Variants in PAM observed in about 807,000 individuals in gnomAD.
PAM encodes the protein peptidyl-glycine alpha-amidating monooxygenase.
A neutral mutation model predicts 122.1 loss-of-function variants in PAM; 72 were observed. The ratio of observed to expected loss-of-function variants is 0.59; its 90% CI spans 0.49 to 0.72. The LOEUF is 0.72. Among genes scored for constraint, PAM ranks in the 30% least tolerant of loss-of-function variants. PAM has a pLI of 0.00. For missense variants in PAM, 1,106 were observed against 1,183.7 expected, an observed-to-expected ratio of 0.93 and a Z score of 0.96; for synonymous variants, 389 against 404.4, an observed-to-expected ratio of 0.96 and a Z score of 0.46.
chr5:102,997,901 C>A (rs1335165437), intron 16 of PAM, among the ~76,000 whole-genome samples: 1 of 152,180 alleles, frequency 6.6e-6, no homozygotes, highest in Non-Finnish European at 1.5e-5. Flanking sequence ...TTTGACCTGA[C>A]TGGCACAAGG....
chr5:102,814,811 C>T (rs564471780), intron 1 of PAM, among the ~76,000 whole-genome samples: 1 of 151,964 alleles, frequency 6.6e-6, no homozygotes, highest in South Asian at 2.1e-4. Context: ...TTCCATTAAG[C>T]TTTGTATCTC....
intron 12 of PAM, among the ~76,000 whole-genome samples, chr5:102,953,045 T>C (rs1426480888): frequency 1.3e-5 from 2 of 152,166 alleles, no homozygotes; most frequent in Non-Finnish European, 2.9e-5. Context: ...TTCTGTTCTA[T>C]GGTTACATAG....
intron 16 of PAM, among the ~76,000 whole-genome samples, chr5:103,000,023 C>A (rs992200768): frequency 6.6e-6 from 1 of 152,184 alleles, no homozygotes; most frequent in African/African-American, 2.4e-5. Flanking sequence ...TTTTTCTTTT[C>A]TATCACATCA....
At chr5:102,987,696 T>G (rs1035581420) in intron 15 of PAM, 1 of 345,902 alleles carries the variant, frequency 2.9e-6, no homozygotes, top group African/African-American at 2.2e-5. Flanking sequence ...TGGCTCCCAA[T>G]TGCCGGTAGC....
Position 102,766,926 on chromosome 5 carries a change from A to ATTTTTTTTTTTTTTTTTTTTTTTTTTTTT in PAM, c.-374+11581_-374+11609dup. On this transcript the variant is annotated intron_variant, in intron 1 of 25. Transcript: ENST00000438793. The stretch of plus-strand genomic sequence containing the variant: ...ATTTATTTTATTGCTTCAGTTGTGG[A>ATTTTTTTTTTTTTTTTTTTTTTTTTTTTT]TTTTTTTTTTTTTTTTTTTTTTTTT... Among the ~76,000 whole-genome samples, 23 of 25,856 alleles carry ATTTTTTTTTTTTTTTTTTTTTTTTTTTTT rather than the reference A, an allele frequency of 8.9e-4. 10 individuals are homozygous for ATTTTTTTTTTTTTTTTTTTTTTTTTTTTT. Among genetic ancestry groups the ATTTTTTTTTTTTTTTTTTTTTTTTTTTTT allele is most frequent in the South Asian group, 5.3e-3 (4 of 750 alleles). The allele number at this position is 25,856 out of a possible 152,430, so 17.0% of individuals were successfully genotyped here.
intron 1 of PAM, among the ~76,000 whole-genome samples, chr5:102,766,926 A>ATTTTTTTTT: frequency 0.012 from 298 of 25,850 alleles, 100 homozygotes; most frequent in Middle Eastern, 0.031. Context: ...TCAGTTGTGG[A>ATTTTTTTTT]TTTTTTTTTT....
At chr5:102,986,989 T>G (rs960300063) in intron 15 of PAM, among the ~76,000 whole-genome samples, 3 of 152,082 alleles carry the variant, frequency 2.0e-5, no homozygotes, top group Non-Finnish European at 4.4e-5. Flanking sequence ...TATGTCTTTA[T>G]CAGCAGTGTG....
At chr5:102,953,961 C>T (rs1361481264) in intron 12 of PAM, among the ~76,000 whole-genome samples, 2 of 151,936 alleles carry the variant, frequency 1.3e-5, no homozygotes, top group Non-Finnish European at 2.9e-5. Flanking sequence ...TGCAGTGAGC[C>T]AAGATCATGC....
chr5:102,813,588 A>G (rs150990402), intron 1 of PAM, among the ~76,000 whole-genome samples: 270 of 152,258 alleles, frequency 1.8e-3, no homozygotes, highest in African/African-American at 6.4e-3. Flanking sequence ...TTTTACTTCC[A>G]TCTTTAAATG....
intron 1 of PAM, among the ~76,000 whole-genome samples, chr5:102,757,125 G>A (rs406690): frequency 0.45 from 68,732 of 151,572 alleles, 15,787 homozygotes; most frequent in African/African-American, 0.52. Flanking sequence ...CAGAAGTTCC[G>A]TACCAGCCTG....
intron 5 of PAM, among the ~76,000 whole-genome samples, chr5:102,915,753 A>G (rs1802915202): frequency 6.6e-6 from 1 of 152,192 alleles, no homozygotes; most frequent in Admixed American, 6.6e-5. Context: ...ATGAGTGAGA[A>G]AATAACACAA....
At chr5:103,007,758 T>C (rs983035580) in intron 20 of PAM, 101 bp downstream of exon 20, 21 of 718,418 alleles carry the variant, frequency 2.9e-5, no homozygotes, top group Non-Finnish European at 4.4e-5. Flanking sequence ...TTCTTTGCTA[T>C]ATATTTCACA....
intron 3 of PAM, among the ~76,000 whole-genome samples, chr5:102,898,424 A>G (rs1324128695): frequency 6.6e-6 from 1 of 151,638 alleles, no homozygotes; most frequent in Non-Finnish European, 1.5e-5. Flanking sequence ...GGGTTGAATT[A>G]TAGAAGCATC....
intron 3 of PAM, among the ~76,000 whole-genome samples, chr5:102,881,097 AGACTG>A (rs1790828803): frequency 6.8e-6 from 1 of 147,914 alleles, no homozygotes; most frequent in South Asian, 2.1e-4. Context: ...ACTGTAGAAG[AGACTG>A]GAAAATTAAA....
intron 14 of PAM, among the ~76,000 whole-genome samples, chr5:102,969,909 AG>A (rs1765302121): frequency 6.6e-6 from 1 of 152,136 alleles, no homozygotes; most frequent in Non-Finnish European, 1.5e-5. Flanking sequence ...AAAATGTTTC[AG>A]GGACAGACTT....
At chr5:103,010,687 A>C (rs1780335220) in intron 21 of PAM, among the ~76,000 whole-genome samples, 1 of 152,250 alleles carries the variant, frequency 6.6e-6, no homozygotes, top group Admixed American at 6.5e-5. Flanking sequence ...ATATCTTGAC[A>C]CTTATAATGT....
At chr5:102,826,699 A>G (rs1773738607) in intron 1 of PAM, among the ~76,000 whole-genome samples, 1 of 152,136 alleles carries the variant, frequency 6.6e-6, no homozygotes, top group Admixed American at 6.6e-5. Flanking sequence ...TTGTTTCTGA[A>G]TGTTGTAGCT....
chr5:102,771,230 T>C (rs896431079), intron 1 of PAM, among the ~76,000 whole-genome samples: 4 of 152,132 alleles, frequency 2.6e-5, no homozygotes, highest in African/African-American at 9.7e-5. Context: ...CAATATATAC[T>C]TGATTCCAGG....
intron 1 of PAM, among the ~76,000 whole-genome samples, chr5:102,857,292 G>C (rs1782893485): frequency 6.6e-6 from 1 of 152,166 alleles, no homozygotes; most frequent in South Asian, 2.1e-4. Context: ...GTCACTACTT[G>C]GCTCAGCTAA....
Sources: allele counts gnomAD v4.1 joint callset (sites outside exome capture counted in the v4.1 genomes callset), GRCh38; gene constraint gnomAD v4.1.1; transcripts MANE v1.5; gene names NCBI Gene and HGNC (gene_info 2026-07-23, HGNC 2026-07-21).